The following SLC36A3 variants were observed in gnomAD, a reference collection of about 807,000 sequenced individuals.
SLC36A3 encodes the protein proton-coupled amino acid transporter 3.
SLC36A3 carries 35 observed loss-of-function variants against 44.3 expected under a neutral mutation model. The observed-to-expected ratio is 0.79, with a 90% CI of 0.60 to 1.05. The LOEUF (loss-of-function observed/expected upper bound fraction) is 1.05, where lower values mean the gene tolerates loss of function less well. SLC36A3 is among the 50% of genes least tolerant of loss of function. SLC36A3 has a pLI of 0.00. For synonymous variants in SLC36A3, 211 were observed against 227.6 expected (o/e 0.93, Z 0.66); for missense variants, 540 against 578.7 (o/e 0.93, Z 0.69).
chr5:151,302,636 C>T (rs1490099304), intron 1 of SLC36A3, among the ~76,000 whole-genome samples: 1 of 151,926 alleles, frequency 6.6e-6, no homozygotes, highest in African/African-American at 2.4e-5. Flanking sequence ...GGGCTTAATA[C>T]CTAGGTGATG....
intron 3 of SLC36A3, among the ~76,000 whole-genome samples, chr5:151,294,651 A>G (rs1025705069): frequency 2.0e-5 from 3 of 151,490 alleles, no homozygotes; most frequent in Non-Finnish European, 4.4e-5. Context: ...TTTTTGAGAC[A>G]GAGTTTTCAC....
At position 151,284,060 on chromosome 5, in the gene SLC36A3, T is replaced by C; in HGVS notation, c.958A>G (p.Asn320Asp). Residue 320 changes from asparagine (N) to aspartate (D), a missense_variant, in exon 8 of 10, where the codon AAC (asparagine) becomes GAC (aspartate). Coordinates refer to ENST00000335230, the MANE Select transcript of SLC36A3 (RefSeq NM_181774.4). The part of the protein sequence containing the change: ...GSDTQASITL[N>D]LPNCWLYQSV... ...AGGACATACCAGCAATTGGGCAAGT[T>C]GAGGGTGATGCTGGCCTGGGTGTCT... 1 of 1,612,276 alleles carries C rather than the reference T, an allele frequency of 6.2e-7. No homozygotes were observed. The highest frequency in any genetic ancestry group is 8.5e-7 in the Non-Finnish European group (1 of 1,179,342).
chr5:151,301,792 T>G (rs1037741386), intron 1 of SLC36A3, among the ~76,000 whole-genome samples: 12 of 151,360 alleles, frequency 7.9e-5, no homozygotes, highest in Non-Finnish European at 1.2e-4. Flanking sequence ...TTACTCTTTC[T>G]CCATTGCAAT....
Position 151,298,641 on chromosome 5 carries a change from G to A in SLC36A3, c.171C>T (p.Gly57=). 2 of 1,614,180 alleles carry A rather than the reference G, an allele frequency of 1.2e-6. No individual in the cohort carries two copies. The highest frequency in any genetic ancestry group is 1.7e-6 in the Non-Finnish European group (2 of 1,180,032). Residue 57 remains glycine (G), a synonymous_variant, in exon 2 of 10, where the codon GGC becomes GGT. Transcript: ENST00000335230. ...TLIHLLKCNI[G]TGLLGLPLAI... ...CCAGGGGAAGCCCCAGGAGCCCTGT[G>A]CCAATGTTGCATTTCAACAAGTGGA...
At chr5:151,293,787 TG>T (rs1303372121) in intron 3 of SLC36A3, among the ~76,000 whole-genome samples, 1 of 152,072 alleles carries the variant, frequency 6.6e-6, no homozygotes, top group Admixed American at 6.5e-5. Flanking sequence ...AGAGGTGGTG[TG>T]GGTGTGGCCA....
chr5:151,277,699 C>T, intron 9 of SLC36A3, 38 bp from the exon 10 acceptor site: 1 of 1,596,010 alleles, frequency 6.3e-7, no homozygotes, highest in South Asian at 1.1e-5. Context: ...ACTGAATGTG[C>T]TCAGAAACAA....
intron 6 of SLC36A3, among the ~76,000 whole-genome samples, chr5:151,286,621 C>T (rs1013262926): frequency 3.9e-5 from 6 of 152,128 alleles, no homozygotes; most frequent in African/African-American, 1.4e-4. Flanking sequence ...TGTTTCTTAA[C>T]TTGTATGATT....
At chr5:151,287,837 TTAGA>T (rs1754601851) in intron 5 of SLC36A3, among the ~76,000 whole-genome samples, 1 of 152,194 alleles carries the variant, frequency 6.6e-6, no homozygotes, top group Non-Finnish European at 1.5e-5. Flanking sequence ...CTCTTCAAAT[TTAGA>T]TAGCCCTAAA....
intron 4 of SLC36A3, among the ~76,000 whole-genome samples, chr5:151,289,918 G>C (rs1754692767): frequency 6.6e-6 from 1 of 152,166 alleles, no homozygotes; most frequent in Admixed American, 6.5e-5. Context: ...TGATTATCCT[G>C]TTCCTCAAAC....
chr5:151,299,886 A>G (rs142840215), intron 1 of SLC36A3, among the ~76,000 whole-genome samples: 1 of 152,340 alleles, frequency 6.6e-6, no homozygotes, highest in African/African-American at 2.4e-5. Flanking sequence ...TGTGAGCATC[A>G]TCATCGTCAT....
intron 5 of SLC36A3, among the ~76,000 whole-genome samples, chr5:151,287,903 C>T (rs1488502961): frequency 1.3e-5 from 2 of 152,166 alleles, no homozygotes; most frequent in African/African-American, 4.8e-5. Context: ...AATATTCCGT[C>T]TACAATACTT....
At chr5:151,280,649 G>A (rs985120528) in intron 9 of SLC36A3, among the ~76,000 whole-genome samples, 3 of 152,158 alleles carry the variant, frequency 2.0e-5, no homozygotes, top group South Asian at 2.1e-4. Flanking sequence ...GTATGACTCA[G>A]GTGTGTTACT....
intron 1 of SLC36A3, among the ~76,000 whole-genome samples, chr5:151,299,394 T>TATATATATATATATA (rs58121505): frequency 3.8e-4 from 50 of 132,992 alleles, no homozygotes; most frequent in African/African-American, 1.3e-3. Context: ...TATATATATA[T>TATATATATATATATA]TATATATATA....
At chr5:151,301,919 C>T (rs1755175846) in intron 1 of SLC36A3, among the ~76,000 whole-genome samples, 1 of 152,052 alleles carries the variant, frequency 6.6e-6, no homozygotes. Flanking sequence ...ATTATTTCAT[C>T]AGAAAAAATT....
At chr5:151,302,063 T>C (rs561419971) in intron 1 of SLC36A3, among the ~76,000 whole-genome samples, 1 of 152,306 alleles carries the variant, frequency 6.6e-6, no homozygotes, top group African/African-American at 2.4e-5. Flanking sequence ...GAAACAAATA[T>C]AAATCTCTTT....
intron 6 of SLC36A3, among the ~76,000 whole-genome samples, chr5:151,286,234 GA>G (rs1754530823): frequency 6.6e-6 from 1 of 152,182 alleles, no homozygotes; most frequent in African/African-American, 2.4e-5. Context: ...ACCTCCCGTG[GA>G]TACCAAATCT....
At chr5:151,281,970 C>T (rs1754333314) in intron 8 of SLC36A3, among the ~76,000 whole-genome samples, 1 of 152,086 alleles carries the variant, frequency 6.6e-6, no homozygotes, top group Non-Finnish European at 1.5e-5. Flanking sequence ...TGTGGCCCTT[C>T]TAGAAATGAT....
intron 2 of SLC36A3, chr5:151,296,862 G>A (rs1219241532): frequency 6.5e-6 from 1 of 153,800 alleles, no homozygotes; most frequent in Non-Finnish European, 1.4e-5. Flanking sequence ...GGTAGCAGGA[G>A]CTGGTGCAAA....
Position 151,293,417 on chromosome 5 carries a change from G to A in SLC36A3, c.351C>T (p.Tyr117=), listed in dbSNP as rs780769405. 135 of 1,613,700 alleles carry A rather than the reference G, an allele frequency of 8.4e-5. No homozygotes were observed. The highest frequency in any genetic ancestry group is 2.5e-4 in the South Asian group (23 of 90,932). Reference sequence around the variant, plus strand: ...AGGTGTTCGGGCAGGTTTCAAGGCCGTACATCGTGGCCTCTCCATAGTTCA... The same window carrying A: ...AGGTGTTCGGGCAGGTTTCAAGGCCATACATCGTGGCCTCTCCATAGTTCA... ...TFVNYGEATM[Y]GLETCPNTWL... Residue 117 remains tyrosine, a synonymous_variant, in exon 4 of 10, where the codon TAC becomes TAT. Coordinates refer to ENST00000335230, the MANE Select transcript of SLC36A3 (RefSeq NM_181774.4).
Sources: gnomAD v4.1 joint callset for allele counts (sites outside exome capture counted in the v4.1 genomes callset) on GRCh38, gnomAD v4.1.1 for gene constraint, MANE v1.5 for transcripts, NCBI Gene and HGNC (gene_info 2026-07-23, HGNC 2026-07-21) for gene names.